The following CDH9 variants were observed in gnomAD, a reference collection of about 807,000 sequenced individuals.
CDH9 encodes cadherin-9.
In CDH9, 28 loss-of-function variants were observed where a neutral mutation model predicts 70.9. The ratio of observed to expected loss-of-function variants is 0.40; its 90% CI spans 0.29 to 0.54. The LOEUF is 0.54. CDH9 is among the 20% of genes least tolerant of loss of function. CDH9 has a pLI of 0.59. For missense variants in CDH9, 874 were observed against 984.4 expected (o/e 0.89, Z 1.50); for synonymous variants, 409 against 343.1 (o/e 1.19, Z -2.12).
intron 2 of CDH9, among the ~76,000 whole-genome samples, chr5:26,938,091 G>T (rs1267750910): frequency 1.3e-5 from 2 of 151,470 alleles, no homozygotes; most frequent in Non-Finnish European, 2.9e-5. Context: ...GTAGAGGGAG[G>T]ATATAGAAAC....
intron 2 of CDH9, among the ~76,000 whole-genome samples, chr5:26,939,816 C>G (rs4533853): frequency 0.81 from 123,664 of 152,082 alleles, 54,852 homozygotes; most frequent in East Asian, 0.99. Flanking sequence ...GGCTTTTTCC[C>G]TATCATTAAG....
chr5:26,920,025 G>T (rs911264642), intron 2 of CDH9, among the ~76,000 whole-genome samples: 1 of 152,130 alleles, frequency 6.6e-6, no homozygotes. Context: ...ACTTTATCTT[G>T]CAGCTGGTGG....
chr5:26,933,770 C>T (rs1264337919), intron 2 of CDH9, among the ~76,000 whole-genome samples: 1 of 149,336 alleles, frequency 6.7e-6, no homozygotes, highest in African/African-American at 2.5e-5. Flanking sequence ...CAGAGCAAGA[C>T]TCCGTCAAAA....
At chr5:26,988,656 A>G (rs1190209721) in intron 1 of CDH9, among the ~76,000 whole-genome samples, 1 of 152,044 alleles carries the variant, frequency 6.6e-6, no homozygotes, top group African/African-American at 2.4e-5. Context: ...TTTGTAATTT[A>G]AAACACTAAA....
At chr5:26,987,030 CA>C (rs1383014456) in intron 2 of CDH9, among the ~76,000 whole-genome samples, 3 of 149,804 alleles carry the variant, frequency 2.0e-5, no homozygotes, top group Non-Finnish European at 4.4e-5. Flanking sequence ...TTTCACAGAG[CA>C]AATGTATTCC....
chr5:26,994,568 G>T (rs200302680), intron 1 of CDH9, among the ~76,000 whole-genome samples: 9 of 147,650 alleles, frequency 6.1e-5, no homozygotes, highest in South Asian at 4.3e-4. Flanking sequence ...TGTTTGTTTT[G>T]TTTTTTTTTG....
At chr5:26,985,345 G>A (rs1417863592) in intron 2 of CDH9, among the ~76,000 whole-genome samples, 2 of 152,164 alleles carry the variant, frequency 1.3e-5, no homozygotes, top group African/African-American at 4.8e-5. Flanking sequence ...TAATGACAAT[G>A]TAAATCAACC....
chr5:26,956,195 T>C (rs1037062412), intron 2 of CDH9, among the ~76,000 whole-genome samples: 1 of 152,120 alleles, frequency 6.6e-6, no homozygotes, highest in Non-Finnish European at 1.5e-5. Flanking sequence ...GACAGGTCTT[T>C]CCTGTGTTGT....
intron 1 of CDH9, among the ~76,000 whole-genome samples, chr5:27,001,562 T>C (rs1387392282): frequency 1.3e-5 from 2 of 152,118 alleles, no homozygotes; most frequent in African/African-American, 4.8e-5. Context: ...TAGATATAGA[T>C]GGCTACATTT....
chr5:27,015,249 C>A (rs551709756), intron 1 of CDH9, among the ~76,000 whole-genome samples: 1 of 151,696 alleles, frequency 6.6e-6, no homozygotes, highest in Admixed American at 6.6e-5. Flanking sequence ...ATAAATAATA[C>A]CCAAGGAGGG....
At chr5:26,958,626 A>T (rs1480142139) in intron 2 of CDH9, among the ~76,000 whole-genome samples, 1 of 152,210 alleles carries the variant, frequency 6.6e-6, no homozygotes, top group Non-Finnish European at 1.5e-5. Context: ...AAAATAAACC[A>T]AGAAGACACT....
chr5:26,993,759 A>G (rs1024550710), intron 1 of CDH9, among the ~76,000 whole-genome samples: 2 of 151,656 alleles, frequency 1.3e-5, no homozygotes, highest in Non-Finnish European at 2.9e-5. Flanking sequence ...ATGACTCGAA[A>G]GATAATTCAG....
intron 2 of CDH9, among the ~76,000 whole-genome samples, chr5:26,940,600 T>C (rs777334860): frequency 6.6e-6 from 1 of 152,186 alleles, no homozygotes; most frequent in African/African-American, 2.4e-5. Flanking sequence ...TAAGGAAATA[T>C]CCAATAACAC....
At chr5:26,970,862 A>G (rs935006328) in intron 2 of CDH9, among the ~76,000 whole-genome samples, 1 of 152,134 alleles carries the variant, frequency 6.6e-6, no homozygotes, top group Non-Finnish European at 1.5e-5. Context: ...CAGTGATTCA[A>G]ATGTCTAGTG....
At chr5:26,953,301 C>T (rs1181951930) in intron 2 of CDH9, among the ~76,000 whole-genome samples, 1 of 152,074 alleles carries the variant, frequency 6.6e-6, no homozygotes, top group Non-Finnish European at 1.5e-5. Flanking sequence ...CTCTATTGTG[C>T]TACAAAAATA....
At chr5:27,015,279 G>C (rs892369409) in intron 1 of CDH9, among the ~76,000 whole-genome samples, 1 of 151,544 alleles carries the variant, frequency 6.6e-6, no homozygotes, top group African/African-American at 2.4e-5. Context: ...ATCTCTAAAT[G>C]ATCGTGTTCT....
At chr5:26,885,395 A>G (rs1404491371) in intron 11 of CDH9, among the ~76,000 whole-genome samples, 1 of 152,224 alleles carries the variant, frequency 6.6e-6, no homozygotes, top group African/African-American at 2.4e-5. Context: ...ACGCATGTGT[A>G]TAGCATTTGT....
chr5:26,898,870 C>T (rs13083117), intron 7 of CDH9, among the ~76,000 whole-genome samples: 1 of 152,160 alleles, frequency 6.6e-6, no homozygotes, highest in Non-Finnish European at 1.5e-5. Context: ...AAACTAGCAT[C>T]AGAGTGATCA....
chr5:26,922,800 A>G (rs539970070), intron 2 of CDH9, among the ~76,000 whole-genome samples: 1 of 152,130 alleles, frequency 6.6e-6, no homozygotes, highest in East Asian at 1.9e-4. Flanking sequence ...TTTTTAAGAC[A>G]TAGTATAATA....
Sources: gnomAD v4.1 joint callset for allele counts (sites outside exome capture counted in the v4.1 genomes callset) on GRCh38, gnomAD v4.1.1 for gene constraint, MANE v1.5 for transcripts, NCBI Gene and HGNC (gene_info 2026-07-23, HGNC 2026-07-21) for gene names.